The following SMAD6 variants were observed in gnomAD, a reference collection of about 807,000 sequenced individuals.
SMAD6 encodes the protein MAD homolog 6.
Under a neutral mutation model 39.4 loss-of-function variants are expected in SMAD6, and 103 were observed. That is an observed-to-expected ratio of 2.62 (90% CI 2.23 to 3.08). The LOEUF is 3.08. SMAD6 is among the 30% of genes most tolerant of loss of function. The pLI is 0.00. For synonymous variants in SMAD6, 445 were observed against 353.3 expected (o/e 1.26, Z -2.91); for missense variants, 1,104 against 742.9 (o/e 1.49, Z -5.65).
rs540402585 is a variant in SMAD6 at position 66,704,062 on chromosome 15, G to C, written c.804G>C (p.Arg268=). 4 of 1,496,560 alleles carry C rather than the reference G, an allele frequency of 2.7e-6. No individual in the cohort carries two copies. The African/African-American group carries it at 4.3e-5, about 16-fold the overall frequency. 92.7% of individuals were successfully genotyped at this position (1,496,560 alleles called of 1,614,324 possible). ...GCTGCAACCCCTACCACTTCAGCCGGCTCTGCGGGCCCGGTGAGCGCGCTG... is the reference window on the plus strand; with the variant it reads ...GCTGCAACCCCTACCACTTCAGCCGCCTCTGCGGGCCCGGTGAGCGCGCTG... ...TVCCNPYHFS[R]LCGPESPPPP... The change falls in exon 1 of 4, where the codon CGG becomes CGC. Residue 268 remains arginine, a synonymous_variant. Coordinates refer to ENST00000288840, the MANE Select transcript of SMAD6 (RefSeq NM_005585.5).
Position 66,781,193 on chromosome 15 carries a change from G to T in SMAD6, c.1149G>T (p.Thr383=). The T allele has an allele frequency of 6.2e-7, 1 of 1,608,066 alleles. No homozygotes were observed. Among genetic ancestry groups the T allele is most frequent in the Non-Finnish European group, 8.5e-7 (1 of 1,179,736 alleles). The part of the protein sequence containing the change: ...LEQRSESVRR[T]RSKIGFGILL... ...AGCGCAGCGAGTCGGTGCGGCGAAC[G>T]CGCAGCAAGATCGGCTTCGGCATCC... The change falls in exon 4 of 4, where the codon ACG becomes ACT. Residue 383 remains threonine, a synonymous_variant. Transcript: ENST00000288840.
At chr15:66,741,581 G>A (rs989974650) in intron 3 of SMAD6, among the ~76,000 whole-genome samples, 1 of 152,184 alleles carries the variant, frequency 6.6e-6, no homozygotes, top group Non-Finnish European at 1.5e-5. Flanking sequence ...AACCCTGACT[G>A]GGAACCATCA....
Position 66,703,543 on chromosome 15 carries a change from G to A in SMAD6, c.285G>A (p.Glu95=). Residue 95 remains glutamate, a synonymous_variant, in exon 1 of 4, where the codon GAG becomes GAA. Transcript: ENST00000288840. ...RAGGPPRPMS[E]PGAGAGSSLL... is the part of the protein sequence containing the mutation. ...GGGGCCCCCCGAGGCCCATGTCGGA[G>A]CCAGGGGCCGGCGCTGGGAGCTCCC... 2 of 1,221,846 alleles carry A rather than the reference G, an allele frequency of 1.6e-6. No homozygotes were observed. Among genetic ancestry groups the A allele is most frequent in the South Asian group, 4.1e-5 (1 of 24,354 alleles). The allele number at this position is 1,221,846 out of a possible 1,614,324, so 75.7% of individuals were successfully genotyped here. A position where few individuals can be genotyped will look rare whatever the true frequency, so the allele number is the denominator to read the frequency against.
chr15:66,781,134 A>G lies in SMAD6; in HGVS notation c.1090A>G (p.Ser364Gly). The G allele has an allele frequency of 6.2e-7, 1 of 1,608,724 alleles. No homozygotes were observed. The highest frequency in any genetic ancestry group is 2.2e-5 in the East Asian group (1 of 44,864). ...CATCTTCTACGACCTACCTCAGGGC[A>G]GCGGCTTCTGCCTGGGCCAGCTCAA... is the stretch of plus-strand genomic sequence containing the variant. The part of the protein sequence containing the change: ...VSIFYDLPQG[S>G]GFCLGQLNLE... The change falls in exon 4 of 4, where the codon AGC (serine) becomes GGC (glycine). Residue 364 changes from serine to glycine, a missense_variant. Coordinates refer to ENST00000288840, the MANE Select transcript of SMAD6 (RefSeq NM_005585.5).
chr15:66,734,428 G>C (rs1893679982), intron 3 of SMAD6, among the ~76,000 whole-genome samples: 1 of 152,206 alleles, frequency 6.6e-6, no homozygotes, highest in Non-Finnish European at 1.5e-5. Context: ...GGAAACTGAA[G>C]GGGGAACAGA....
chr15:66,703,351 TG>T lies in SMAD6; in HGVS notation c.95del (p.Gly32AlafsTer32), dbSNP rs1034499520. ...AGGAAGGCGGCAGCGGCGGCGGCGG[TG>T]GCGGCGACGAGGATGGGAGCTTGGG... ...REEGGSGGGGGGDEDGSLGSR... is the reference protein window; with the variant it reads ...REEGGSGGGGXGDEDGSLGSR... On this transcript the variant is annotated frameshift_variant, in exon 1 of 4. Coordinates refer to ENST00000288840, the MANE Select transcript of SMAD6 (RefSeq NM_005585.5). LOFTEE classifies it high-confidence loss of function. 6.8e-7 allele frequency: 1 copy of T among 1,479,406 alleles called. No individual in the cohort carries two copies. The highest frequency in any genetic ancestry group is 9.0e-7 in the Non-Finnish European group (1 of 1,115,166). 91.6% of individuals were successfully genotyped at this position (1,479,406 alleles called of 1,614,324 possible).
intron 3 of SMAD6, among the ~76,000 whole-genome samples, chr15:66,776,504 C>T (rs1595801926): frequency 2.6e-5 from 4 of 152,316 alleles, no homozygotes; most frequent in South Asian, 4.1e-4. Context: ...GTGGTGGCAG[C>T]CTTAGGTCAT....
chr15:66,709,285 T>C (rs1418873480), intron 1 of SMAD6, among the ~76,000 whole-genome samples: 2 of 152,254 alleles, frequency 1.3e-5, no homozygotes, highest in Non-Finnish European at 2.9e-5. Context: ...GAACGGTTTG[T>C]AGTGCTCCAC....
chr15:66,703,018 T>G lies in SMAD6; in HGVS notation c.-241T>G. The stretch of plus-strand genomic sequence containing the variant: ...CCGCCGCTGTGGTCCATGTAGCCGC[T>G]GGCCGCGCGCGGACTGCGGCTCGGC... On this transcript the variant is annotated 5_prime_UTR_variant, in exon 1 of 4. Transcript: ENST00000288840. The G allele has an allele frequency of 2.7e-6, 1 of 371,274 alleles. No individual in the cohort carries two copies. The highest frequency in any genetic ancestry group is 5.0e-6 in the Non-Finnish European group (1 of 201,310). 23.0% of individuals were successfully genotyped at this position (371,274 alleles called of 1,614,324 possible).
At chr15:66,715,459 G>A (rs999649122) in intron 2 of SMAD6, among the ~76,000 whole-genome samples, 2 of 152,164 alleles carry the variant, frequency 1.3e-5, no homozygotes, top group South Asian at 2.1e-4. Flanking sequence ...GTGCTGGGCC[G>A]GCTGGGGCCA....
rs1290060451 is a variant in SMAD6, at chr15:66,781,421, C to T, written c.1377C>T (p.Tyr459=). Residue 459 remains tyrosine, a synonymous_variant, in exon 4 of 4, where the codon TAC becomes TAT. Transcript: ENST00000288840. ...APEPDAADGP[Y]DPNSVRISFA... Reference sequence around the variant, plus strand: ...AGCCCGACGCCGCCGACGGCCCCTACGACCCCAACAGCGTCCGCATCAGCT... The same window carrying T: ...AGCCCGACGCCGCCGACGGCCCCTATGACCCCAACAGCGTCCGCATCAGCT... 1 of 1,604,978 alleles carries T rather than the reference C, an allele frequency of 6.2e-7. No individual in the cohort carries two copies. Among genetic ancestry groups the T allele is most frequent in the Non-Finnish European group, 8.5e-7 (1 of 1,178,418 alleles).
At position 66,716,477 on chromosome 15, in the gene SMAD6, A is replaced by G; in HGVS notation, c.931A>G (p.Thr311Ala). Residue 311 changes from threonine to alanine, a missense_variant, in exon 3 of 4, where the codon ACT becomes GCT. Transcript: ENST00000288840. ...AACGGAGGCTACCAACTCCCTCATC[A>G]CTGCTCCGGGTGAATTCTCAGGTCA... ...TETEATNSLI[T>A]APGEFSDASM... 6.2e-7 allele frequency: 1 copy of G among 1,613,236 alleles called. No homozygotes were observed. Among genetic ancestry groups the G allele is most frequent in the Non-Finnish European group, 8.5e-7 (1 of 1,179,196 alleles).
intron 3 of SMAD6, among the ~76,000 whole-genome samples, chr15:66,725,474 C>T (rs1459099107): frequency 6.6e-6 from 1 of 152,226 alleles, no homozygotes; most frequent in Non-Finnish European, 1.5e-5. Context: ...ATCCAGACTG[C>T]AAGGTGAATC....
At chr15:66,716,390 A>G (rs1893329859) in intron 2 of SMAD6, 31 bp from the exon 3 acceptor site, 1 of 1,536,076 alleles carries the variant, frequency 6.5e-7, no homozygotes, top group Non-Finnish European at 9.0e-7. Context: ...CCCCACGGCC[A>G]ACTAAGTTCT....
At chr15:66,751,226 T>C (rs1894000447) in intron 3 of SMAD6, among the ~76,000 whole-genome samples, 1 of 152,168 alleles carries the variant, frequency 6.6e-6, no homozygotes, top group South Asian at 2.1e-4. Flanking sequence ...CAGAGAGGGC[T>C]CAGACCTGCA....
chr15:66,721,418 CAG>C (rs1235709260), intron 3 of SMAD6, among the ~76,000 whole-genome samples: 9 of 152,136 alleles, frequency 5.9e-5, no homozygotes, highest in African/African-American at 1.9e-4. Context: ...CCTCATCTAA[CAG>C]ACTCTGAGAG....
At chr15:66,709,702 G>A (rs1893190221) in intron 1 of SMAD6, among the ~76,000 whole-genome samples, 2 of 152,210 alleles carry the variant, frequency 1.3e-5, no homozygotes. Context: ...GGAGGTCAGA[G>A]ACCTGGCTTT....
chr15:66,779,677 A>G (rs961417869), intron 3 of SMAD6, among the ~76,000 whole-genome samples: 1 of 152,250 alleles, frequency 6.6e-6, no homozygotes, highest in African/African-American at 2.4e-5. Context: ...TGAAGCTGTT[A>G]GAAGTGTTGT....
chr15:66,715,713 C>T (rs1304184181), intron 2 of SMAD6, among the ~76,000 whole-genome samples: 9 of 149,812 alleles, frequency 6.0e-5, no homozygotes, highest in Admixed American at 4.7e-4. Flanking sequence ...TCTAACTGCT[C>T]GGCAGACAGA....
Sources: gnomAD v4.1 joint callset for allele counts (sites outside exome capture counted in the v4.1 genomes callset) on GRCh38, gnomAD v4.1.1 for gene constraint, MANE v1.5 for transcripts, NCBI Gene and HGNC (gene_info 2026-07-23, HGNC 2026-07-21) for gene names.